Variants in LPAR6 observed in about 807,000 individuals in gnomAD.
LPAR6 encodes the protein G-protein coupled purinergic receptor P2Y5.
A neutral mutation model predicts 22.0 loss-of-function variants in LPAR6; 17 were observed. The observed-to-expected ratio is 0.77, with a 90% CI of 0.53 to 1.16. LPAR6 has a LOEUF of 1.16. Among genes scored for constraint, LPAR6 ranks in the 50% most tolerant of loss-of-function variants. The pLI, the probability that LPAR6 is intolerant of heterozygous loss-of-function variation, is 0.00. For synonymous variants in LPAR6, 136 were observed against 139.8 expected (o/e 0.97, Z 0.19); for missense variants, 384 against 406.9 (o/e 0.94, Z 0.48).
intron 2 of LPAR6, among the ~76,000 whole-genome samples, chr13:48,418,709 C>CAAAA (rs1217781825): frequency 9.1e-6 from 1 of 109,924 alleles, no homozygotes; most frequent in Non-Finnish European, 2.0e-5. Context: ...AAATGGAAAG[C>CAAAA]AAAAAAAAAA....
intron 1 of LPAR6, among the ~76,000 whole-genome samples, chr13:48,397,424 A>G (rs950842657): frequency 1.3e-5 from 2 of 152,216 alleles, no homozygotes; most frequent in African/African-American, 4.8e-5. Context: ...GTTTTCACTT[A>G]TAAGTTAAAA....
At chr13:48,410,618 A>AT (rs1392621167), downstream of LPAR6, among the ~76,000 whole-genome samples, 9 of 152,098 alleles carry the variant, frequency 5.9e-5, no homozygotes, top group Admixed American at 5.9e-4. Flanking sequence ...GTAGTATTTT[A>AT]TTTTTTTGCT....
exon 2 of LPAR6, chr13:48,389,625 G>A (rs1170406504): frequency 6.6e-6 from 1 of 152,122 alleles, no homozygotes; most frequent in African/African-American, 2.4e-5. Flanking sequence ...AGGAATTTGG[G>A]TTGAACTTGA....
chr13:48,433,891 A>G (rs1404687805), intron 1 of LPAR6, among the ~76,000 whole-genome samples: 3 of 151,738 alleles, frequency 2.0e-5, no homozygotes, highest in Non-Finnish European at 4.4e-5. Context: ...ATATGTATAT[A>G]CATATATACT....
chr13:48,416,629 G>C (rs761584579), upstream of LPAR6: 1 of 152,388 alleles, frequency 6.6e-6, no homozygotes, highest in African/African-American at 2.4e-5. Flanking sequence ...AGGGAGCCAA[G>C]TGGTCTAGCT....
chr13:48,393,229 C>T (rs1948624278), intron 1 of LPAR6, among the ~76,000 whole-genome samples: 1 of 152,190 alleles, frequency 6.6e-6, no homozygotes, highest in African/African-American at 2.4e-5. Flanking sequence ...CAAGCTTAAC[C>T]CTCTGCAGAC....
At chr13:48,395,331 C>T (rs118056649) in intron 1 of LPAR6, among the ~76,000 whole-genome samples, 2,911 of 152,192 alleles carry the variant, frequency 0.019, 43 homozygotes, top group Middle Eastern at 0.054. Flanking sequence ...AAAACCAGAG[C>T]GCCTTTTCTC....
chr13:48,412,356 A>G lies in LPAR6; in HGVS notation c.68T>C (p.Met23Thr), dbSNP rs768816474. 2 of 1,613,786 alleles carry G rather than the reference A, an allele frequency of 1.2e-6. No individual in the cohort carries two copies. The highest frequency in any genetic ancestry group is 2.7e-5 in the African/African-American group (2 of 74,928). The change falls in exon 1 of 1, where the codon ATG becomes ACG. Residue 23 changes from methionine (M) to threonine (T), a missense_variant. Met to Thr is a moderately conservative substitution (Grantham distance 81). Transcript: ENST00000620633. ...DSFKYTLYGC[M>T]FSMVFVLGLI... Reference sequence around the variant, plus strand: ...CCCAAGCACAAACACCATGCTGAACATGCACCCATACAAAGTGTACTTAAA... The same window carrying G: ...CCCAAGCACAAACACCATGCTGAACGTGCACCCATACAAAGTGTACTTAAA...
At chr13:48,413,551 C>A (rs1192058142), upstream of LPAR6, among the ~76,000 whole-genome samples, 1 of 152,104 alleles carries the variant, frequency 6.6e-6, no homozygotes, top group Non-Finnish European at 1.5e-5. Context: ...GAAACAGGGG[C>A]CTTTAACCTT....
At chr13:48,404,424 AAAT>A (rs1948721061) in intron 1 of LPAR6, among the ~76,000 whole-genome samples, 2 of 116,224 alleles carry the variant, frequency 1.7e-5, no homozygotes, top group Non-Finnish European at 3.7e-5. Flanking sequence ...GGAGGAGAGA[AAAT>A]AATAAAAAAG....
intron 2 of LPAR6, among the ~76,000 whole-genome samples, chr13:48,419,830 T>C (rs1948977436): frequency 6.6e-6 from 1 of 151,888 alleles, no homozygotes; most frequent in African/African-American, 2.4e-5. Flanking sequence ...CTCCCAAGAG[T>C]AAACCAGGAA....
chr13:48,408,759 T>A (rs1225672852), downstream of LPAR6: 1 of 152,200 alleles, frequency 6.6e-6, no homozygotes, highest in Non-Finnish European at 1.5e-5. Flanking sequence ...TTTTGATTCA[T>A]TTATCTTCCT....
chr13:48,405,302 G>C (rs2138187101), intron 1 of LPAR6, among the ~76,000 whole-genome samples: 1 of 152,242 alleles, frequency 6.6e-6, no homozygotes, highest in Non-Finnish European at 1.5e-5. Flanking sequence ...GTTTAAAGTT[G>C]ATAAATCAAG....
At position 48,435,174 on chromosome 13, in the gene LPAR6, G is replaced by A. The variant is rs181317285; in HGVS notation, c.-1474+9379C>T. On this transcript the variant is annotated intron_variant, in intron 1 of 6. Coordinates refer to the LPAR6 transcript ENST00000378434. ...AGTGGTTGAATCATTTTAAATTTCC[G>A]CCAGCAATATACGAGTGAGTGATCC... Among the ~76,000 whole-genome samples the A allele has an allele frequency of 3.9e-4, 60 of 152,196 alleles. No individual in the cohort carries two copies. In the East Asian group the frequency reaches 5.2e-3, roughly 13 times the overall value.
chr13:48,397,226 A>G (rs1449691902), intron 1 of LPAR6, among the ~76,000 whole-genome samples: 1 of 152,220 alleles, frequency 6.6e-6, no homozygotes, highest in Non-Finnish European at 1.5e-5. Flanking sequence ...TCACAATAGC[A>G]AAGACTTGAA....
chr13:48,430,980 T>A (rs1949124228), upstream of LPAR6, among the ~76,000 whole-genome samples: 2 of 152,060 alleles, frequency 1.3e-5, no homozygotes, highest in Admixed American at 1.3e-4. Context: ...TTATATAAAA[T>A]CTAGTGTTTA....
chr13:48,404,468 A>C (rs906572380), intron 1 of LPAR6, among the ~76,000 whole-genome samples: 2 of 152,132 alleles, frequency 1.3e-5, no homozygotes, highest in Non-Finnish European at 2.9e-5. Flanking sequence ...AAACTAATGA[A>C]AACCAGGGGG....
At chr13:48,403,111 G>A (rs1323999512) in intron 1 of LPAR6, among the ~76,000 whole-genome samples, 2 of 152,146 alleles carry the variant, frequency 1.3e-5, no homozygotes, top group South Asian at 2.1e-4. Context: ...TGAAGGTTAT[G>A]TTGTTAGTAA....
chr13:48,415,927 T>C (rs1465156833), upstream of LPAR6: 3 of 152,210 alleles, frequency 2.0e-5, no homozygotes, highest in Non-Finnish European at 4.4e-5. Context: ...TAGGTTAGAA[T>C]TGGAAAAATA....
Sources: gnomAD v4.1 joint callset for allele counts (sites outside exome capture counted in the v4.1 genomes callset) on GRCh38, gnomAD v4.1.1 for gene constraint, MANE v1.5 for transcripts, NCBI Gene and HGNC (gene_info 2026-07-23, HGNC 2026-07-21) for gene names.